FAT3: variants seen among roughly 807,000 people sequenced by gnomAD.
FAT3 encodes the protein protocadherin Fat 3.
In FAT3, 95 loss-of-function variants were observed where a neutral mutation model predicts 310.2. The observed-to-expected ratio is 0.31, with a 90% CI of 0.26 to 0.36. FAT3 has a LOEUF of 0.36. Ranked by LOEUF, FAT3 falls within the 10% of genes least tolerant of loss-of-function variation. FAT3 has a pLI of 1.00. For missense variants in FAT3, 5,408 were observed against 5,715.6 expected, an observed-to-expected ratio of 0.95 and a Z score of 1.74; for synonymous variants, 2,314 against 2,192.9, an observed-to-expected ratio of 1.06 and a Z score of -1.54.
intron 3 of FAT3, among the ~76,000 whole-genome samples, chr11:92,626,400 T>C (rs2135685861): frequency 6.6e-6 from 1 of 152,258 alleles, no homozygotes; most frequent in African/African-American, 2.4e-5. Context: ...ATGTACCAAT[T>C]TTTTAGCTAA....
At chr11:92,467,042 C>A (rs1028548729) in intron 2 of FAT3, among the ~76,000 whole-genome samples, 2 of 151,974 alleles carry the variant, frequency 1.3e-5, no homozygotes, top group African/African-American at 2.4e-5. Context: ...GCAATAAACA[C>A]GTGTGCATGT....
At chr11:92,777,537 A>C (rs1464267884) in intron 7 of FAT3, among the ~76,000 whole-genome samples, 6 of 152,332 alleles carry the variant, frequency 3.9e-5, no homozygotes, top group Middle Eastern at 3.4e-3. Context: ...CAACACTGAC[A>C]AAAACCTCCT....
rs138790724 is a variant in FAT3, at chr11:92,503,135, T to A, written c.3293-21499T>A. Among the ~76,000 whole-genome samples, 265 of 152,202 alleles carry A rather than the reference T, an allele frequency of 1.7e-3. 1 individual carries two copies. Among genetic ancestry groups the A allele is most frequent in the African/African-American group, 6.1e-3 (252 of 41,542 alleles). ...TGGTGTTAGGGTTCCATTTTTCAGC[T>A]GAGTGTGAAGAGGCTGCTAGCAGTT... On this transcript the variant is annotated intron_variant, in intron 2 of 27. Transcript: ENST00000525166.
intron 23 of FAT3, 102 bp from the exon 24 acceptor site, chr11:92,882,636 G>C: frequency 1.1e-6 from 1 of 908,052 alleles, no homozygotes; most frequent in Non-Finnish European, 1.5e-6. Flanking sequence ...CCCTTTAGGT[G>C]CATCGTTTTC....
chr11:92,689,146 A>T (rs1171145992), intron 3 of FAT3, among the ~76,000 whole-genome samples: 1 of 152,198 alleles, frequency 6.6e-6, no homozygotes, highest in Non-Finnish European at 1.5e-5. Flanking sequence ...GCCCAAGGAC[A>T]TGCAGCTGCC....
intron 2 of FAT3, among the ~76,000 whole-genome samples, chr11:92,442,112 T>TATATATATATATATATATATA (rs1491214555): frequency 1.0e-4 from 1 of 9,936 alleles, no homozygotes; most frequent in African/African-American, 2.1e-4. Flanking sequence ...TATATATATA[T>TATATATATATATATATATATA]TTTTTTTTTT....
intron 3 of FAT3, among the ~76,000 whole-genome samples, chr11:92,589,903 C>T (rs137951500): frequency 6.0e-4 from 92 of 152,188 alleles, no homozygotes; most frequent in African/African-American, 2.1e-3. Flanking sequence ...TAGGCTGCTA[C>T]TCATGTAATG....
chr11:92,777,596 G>A (rs545465616), intron 7 of FAT3, among the ~76,000 whole-genome samples: 81 of 152,266 alleles, frequency 5.3e-4, no homozygotes, highest in Non-Finnish European at 9.4e-4. Context: ...TATTTTGTAA[G>A]GGATATTATT....
chr11:92,565,918 A>G (rs552804448), intron 3 of FAT3, among the ~76,000 whole-genome samples: 1 of 152,048 alleles, frequency 6.6e-6, no homozygotes, highest in South Asian at 2.1e-4. Context: ...TGACAAAACC[A>G]CAGCCAATAT....
intron 3 of FAT3, among the ~76,000 whole-genome samples, chr11:92,566,782 T>TG (rs1955467894): frequency 6.6e-6 from 1 of 151,996 alleles, no homozygotes; most frequent in Non-Finnish European, 1.5e-5. Flanking sequence ...AAACAAGCAA[T>TG]GGGAAAGGAT....
chr11:92,805,107 A>G (rs1947466515), intron 10 of FAT3, 46 bp from the exon 11 acceptor site: 2 of 1,581,262 alleles, frequency 1.3e-6, no homozygotes, highest in Non-Finnish European at 1.7e-6. Flanking sequence ...AGATTAAGAC[A>G]TTTCATTGCA....
intron 13 of FAT3, among the ~76,000 whole-genome samples, chr11:92,823,820 CAG>C (rs1010550487): frequency 1.3e-5 from 2 of 152,140 alleles, no homozygotes; most frequent in Admixed American, 6.6e-5. Context: ...GCACTTAAAA[CAG>C]AAGTAATTAG....
intron 8 of FAT3, 28 bp downstream of exon 8, chr11:92,790,246 C>G: frequency 6.2e-7 from 1 of 1,608,522 alleles, no homozygotes; most frequent in Non-Finnish European, 8.5e-7. Flanking sequence ...ATTAGCACTC[C>G]TACAGAACCA....
At chr11:92,880,581 T>A in intron 22 of FAT3, 150 bp from the exon 23 acceptor site, 1 of 897,634 alleles carries the variant, frequency 1.1e-6, no homozygotes, top group Non-Finnish European at 1.6e-6. Flanking sequence ...GCAAGATGTT[T>A]CAAGCAATCA....
chr11:92,253,452 T>C (rs757007937), intron 1 of FAT3, among the ~76,000 whole-genome samples: 4 of 152,106 alleles, frequency 2.6e-5, no homozygotes, highest in Non-Finnish European at 5.9e-5. Flanking sequence ...CAACTTGGCA[T>C]AATTAGTCAT....
chr11:92,610,584 T>C (rs950693658), intron 3 of FAT3, among the ~76,000 whole-genome samples: 1 of 152,188 alleles, frequency 6.6e-6, no homozygotes, highest in African/African-American at 2.4e-5. Context: ...TCCCTCCTTT[T>C]ACCTTCAAAA....
intron 18 of FAT3, among the ~76,000 whole-genome samples, chr11:92,843,287 C>G (rs1365701447): frequency 1.3e-5 from 2 of 152,178 alleles, no homozygotes; most frequent in Non-Finnish European, 2.9e-5. Context: ...ATCTGCCCTT[C>G]TCCTGAAGCT....
chr11:92,749,996 G>A (rs76876307), intron 4 of FAT3, among the ~76,000 whole-genome samples: 3,383 of 152,246 alleles, frequency 0.022, 59 homozygotes, highest in South Asian at 0.034. Context: ...TAGGTAAAGG[G>A]AAAAGCTAAT....
At chr11:92,802,138 A>G (rs1947377991) in intron 10 of FAT3, among the ~76,000 whole-genome samples, 1 of 152,200 alleles carries the variant, frequency 6.6e-6, no homozygotes, top group South Asian at 2.1e-4. Flanking sequence ...TGTGTTAACC[A>G]TATTGGTAAC....
Sources: allele counts gnomAD v4.1 joint callset (sites outside exome capture counted in the v4.1 genomes callset), GRCh38; gene constraint gnomAD v4.1.1; transcripts MANE v1.5; gene names NCBI Gene and HGNC (gene_info 2026-07-23, HGNC 2026-07-21).